The following ARHGAP6 variants were observed in gnomAD, a reference collection of about 807,000 sequenced individuals.
ARHGAP6 encodes the protein rho GTPase-activating protein 6.
ARHGAP6 carries 16 observed loss-of-function variants against 55.7 expected under a neutral mutation model. The ratio of observed to expected loss-of-function variants is 0.29; its 90% confidence interval spans 0.19 to 0.44. The LOEUF (loss-of-function observed/expected upper bound fraction) is 0.44, where lower values mean the gene tolerates loss of function less well. Ranked by LOEUF, ARHGAP6 falls within the 20% of genes least tolerant of loss-of-function variation. The pLI is 1.00. For synonymous variants in ARHGAP6, 382 were observed against 360.9 expected, an observed-to-expected ratio of 1.06 and a Z score of -0.66; for missense variants, 698 against 808.9, an observed-to-expected ratio of 0.86 and a Z score of 1.66.
At chrX:11,244,586 G>A (rs73494742) in intron 2 of ARHGAP6, among the ~76,000 whole-genome samples, 212 of 112,233 alleles carry the variant, frequency 1.9e-3, no homozygotes, top group African/African-American at 6.6e-3. Context: ...CAACGTATAC[G>A]TATTTGCTTT....
intron 1 of ARHGAP6, among the ~76,000 whole-genome samples, chrX:11,569,448 T>C (rs1369868895): frequency 1.8e-5 from 2 of 112,042 alleles, no homozygotes; most frequent in South Asian, 3.8e-4. Context: ...AAGGTATCAG[T>C]GCTAGTAGGA....
chrX:11,632,636 A>G (rs1052831857), intron 1 of ARHGAP6, among the ~76,000 whole-genome samples: 2 of 112,468 alleles, frequency 1.8e-5, no homozygotes, highest in African/African-American at 6.5e-5. Flanking sequence ...CACAGTGTAA[A>G]GAACATAATA....
At chrX:11,530,689 A>T (rs766043026) in intron 1 of ARHGAP6, among the ~76,000 whole-genome samples, 1 of 111,828 alleles carries the variant, frequency 8.9e-6, no homozygotes, top group African/African-American at 3.3e-5. Context: ...TTTTTTAAAA[A>T]TCCTTGAGCA....
chrX:11,376,427 A>G (rs2049201679), intron 1 of ARHGAP6, among the ~76,000 whole-genome samples: 1 of 112,569 alleles, frequency 8.9e-6, no homozygotes, highest in African/African-American at 3.2e-5. Context: ...GAGATGCAAC[A>G]CTGTTGACTT....
intron 1 of ARHGAP6, among the ~76,000 whole-genome samples, chrX:11,530,155 T>C (rs1214399481): frequency 1.8e-5 from 2 of 111,235 alleles, no homozygotes; most frequent in Non-Finnish European, 3.8e-5. Flanking sequence ...GAGTGCATTC[T>C]CAACATTCAT....
At position 11,179,326 on chromosome X, in the gene ARHGAP6, A is replaced by G; in HGVS notation, c.1456T>C (p.Tyr486His). 8.3e-7 allele frequency: 1 copy of G among 1,208,795 alleles called. No homozygotes were observed. Among genetic ancestry groups the G allele is most frequent in the South Asian group, 1.8e-5 (1 of 56,054 alleles). The change falls in exon 7 of 13, where the codon TAC becomes CAC. Residue 486 changes from tyrosine to histidine, a missense_variant. By Grantham distance (83) the Tyr-to-His change is moderately conservative (BLOSUM62 2). Coordinates refer to ENST00000337414, the MANE Select transcript of ARHGAP6 (RefSeq NM_013427.3). ...CAGAGAGTGTTGATGAAAGCTGTGT[A>G]CAGCTCCCTGGTGAGAAGGGGGTCT... Reference protein sequence around the residue: ...MPDPLLTRELYTAFINTLLLE... With the variant: ...MPDPLLTRELHTAFINTLLLE...
At chrX:11,579,695 C>G (rs1402169749) in intron 1 of ARHGAP6, among the ~76,000 whole-genome samples, 1 of 112,092 alleles carries the variant, frequency 8.9e-6, no homozygotes, top group Non-Finnish European at 1.9e-5. Flanking sequence ...TTCCAGCTGC[C>G]AAAAAGTTAT....
intron 1 of ARHGAP6, among the ~76,000 whole-genome samples, chrX:11,409,221 T>C (rs1786460738): frequency 8.9e-6 from 1 of 112,193 alleles, no homozygotes; most frequent in Non-Finnish European, 1.9e-5. Context: ...CTAATAATCA[T>C]CAGCCTGTAG....
intron 1 of ARHGAP6, among the ~76,000 whole-genome samples, chrX:11,347,167 T>C (rs1274895207): frequency 1.8e-5 from 2 of 112,482 alleles, no homozygotes; most frequent in African/African-American, 6.5e-5. Flanking sequence ...TTCCCTTTTA[T>C]AGAAAAATAG....
intron 1 of ARHGAP6, among the ~76,000 whole-genome samples, chrX:11,325,402 A>C (rs2048486246): frequency 8.9e-6 from 1 of 112,405 alleles, no homozygotes; most frequent in African/African-American, 3.2e-5. Flanking sequence ...TCAATAATAC[A>C]GGACAAAATA....
At chrX:11,522,765 T>G (rs1370291974) in intron 1 of ARHGAP6, among the ~76,000 whole-genome samples, 2 of 110,952 alleles carry the variant, frequency 1.8e-5, no homozygotes, top group Non-Finnish European at 3.8e-5. Flanking sequence ...CCAAAAAAAG[T>G]CCAGGACAAG....
intron 1 of ARHGAP6, among the ~76,000 whole-genome samples, chrX:11,449,639 C>T (rs750969415): frequency 8.9e-6 from 1 of 112,220 alleles, no homozygotes; most frequent in South Asian, 3.8e-4. Context: ...CTTTCCCTTA[C>T]CAAGTTCCCC....
chrX:11,608,444 C>A (rs2052061314), intron 1 of ARHGAP6, among the ~76,000 whole-genome samples: 1 of 111,396 alleles, frequency 9.0e-6, no homozygotes, highest in Non-Finnish European at 1.9e-5. Context: ...ATATTATCAT[C>A]ATCGCCACCA....
At chrX:11,391,302 C>A (rs368803910) in intron 1 of ARHGAP6, among the ~76,000 whole-genome samples, 1 of 110,310 alleles carries the variant, frequency 9.1e-6, no homozygotes, top group African/African-American at 3.3e-5. Context: ...CATCACACAC[C>A]GGGGCCTGTT....
intron 1 of ARHGAP6, among the ~76,000 whole-genome samples, chrX:11,408,908 TACACACACACAC>T (rs373105469): frequency 1.9e-5 from 2 of 104,826 alleles, no homozygotes; most frequent in African/African-American, 6.9e-5. Flanking sequence ...CACACACACA[TACACACACACAC>T]ACACACGCAC....
intron 1 of ARHGAP6, among the ~76,000 whole-genome samples, chrX:11,511,579 C>T (rs1356391499): frequency 8.9e-6 from 1 of 112,159 alleles, no homozygotes; most frequent in African/African-American, 3.2e-5. Context: ...ATAAAGAAGG[C>T]ATGGGACTGA....
At chrX:11,198,408 C>T (rs1300397049) in intron 2 of ARHGAP6, among the ~76,000 whole-genome samples, 9 of 111,937 alleles carry the variant, frequency 8.0e-5, no homozygotes, top group Non-Finnish European at 1.5e-4. Context: ...AGATGATCTA[C>T]TAGGGCCTGT....
intron 2 of ARHGAP6, among the ~76,000 whole-genome samples, chrX:11,252,249 G>A (rs1458654034): frequency 8.9e-6 from 1 of 112,762 alleles, no homozygotes; most frequent in Non-Finnish European, 1.9e-5. Context: ...TATCTTATCT[G>A]ATGTGCATTC....
In ARHGAP6 at chrX:11,165,421, TA is replaced by T. The variant is rs761381788; in HGVS notation, c.1809+4083del. On this transcript the variant is annotated intron_variant, in intron 9 of 12. Transcript: ENST00000337414. Reference sequence around the variant, plus strand: ...TATGTGTGGGATCAGGTCACAGCATTATACACAGTGGGCAGAGTGGGCTTGA... The same window carrying T: ...TATGTGTGGGATCAGGTCACAGCATTTACACAGTGGGCAGAGTGGGCTTGA... Among the ~76,000 whole-genome samples the T allele has an allele frequency of 9.0e-5, 10 of 111,719 alleles. No individual in the cohort carries two copies. In the East Asian group the frequency reaches 2.8e-3, roughly 31 times the overall value.
Sources: allele counts gnomAD v4.1 joint callset (sites outside exome capture counted in the v4.1 genomes callset), GRCh38; gene constraint gnomAD v4.1.1; transcripts MANE v1.5; gene names NCBI Gene and HGNC (gene_info 2026-07-23, HGNC 2026-07-21).